Variants in ELOVL4 observed in about 807,000 individuals in gnomAD.
The protein encoded by ELOVL4 is ELOVL fatty acid elongase 4, also known as very long chain fatty acid elongase 4.
A neutral mutation model predicts 42.1 loss-of-function variants in ELOVL4; 18 were observed. That is an observed-to-expected ratio of 0.43 (90% CI 0.30 to 0.63). ELOVL4 has a LOEUF of 0.63. Among genes scored for constraint, ELOVL4 ranks in the 30% least tolerant of loss-of-function variants. ELOVL4 has a pLI of 0.15. For missense variants in ELOVL4, 299 were observed against 376.2 expected, an observed-to-expected ratio of 0.79 and a Z score of 1.70; for synonymous variants, 117 against 127.0, an observed-to-expected ratio of 0.92 and a Z score of 0.53.
At position 79,947,545 on chromosome 6, in the gene ELOVL4, C is replaced by T. The variant is rs979771607; in HGVS notation, c.-266G>A. The T allele has an allele frequency of 6.2e-6, 3 of 480,320 alleles. No individual in the cohort carries two copies. Among genetic ancestry groups the T allele is most frequent in the Middle Eastern group, 5.9e-4 (1 of 1,698 alleles). 29.8% of individuals were successfully genotyped at this position (480,320 alleles called of 1,614,324 possible). On this transcript the variant is annotated 5_prime_UTR_variant, in exon 1 of 6. It adds an upstream start codon to the 5' untranslated region. Transcript: ENST00000369816. Reference sequence around the variant, plus strand: ...CCAGCCGCCAGCACAGTGCGCTGCACCAGTCTGCAGCCTCGCGCAGCCGCC... The same window carrying T: ...CCAGCCGCCAGCACAGTGCGCTGCATCAGTCTGCAGCCTCGCGCAGCCGCC...
At chr6:79,920,925 T>G (rs1263648691) in intron 4 of ELOVL4, among the ~76,000 whole-genome samples, 1 of 152,096 alleles carries the variant, frequency 6.6e-6, no homozygotes, top group East Asian at 1.9e-4. Context: ...ATTTCAGATG[T>G]TTAGATTAGG....
chr6:79,920,430 C>T (rs1774233975), intron 4 of ELOVL4, among the ~76,000 whole-genome samples: 1 of 152,164 alleles, frequency 6.6e-6, no homozygotes, highest in Non-Finnish European at 1.5e-5. Flanking sequence ...TATAAAATTT[C>T]CTTTGAATAA....
At position 79,947,364 on chromosome 6, in the gene ELOVL4, G is replaced by T; in HGVS notation, c.-85C>A. On this transcript the variant is annotated 5_prime_UTR_variant, in exon 1 of 6. Coordinates refer to ENST00000369816, the MANE Select transcript of ELOVL4 (RefSeq NM_022726.4). ...CCCGGAGGCGGTGGCGGCCGACGGG[G>T]CGAGCGGCGGCCGGGAACCCCTCTA... The T allele has an allele frequency of 9.3e-7, 1 of 1,076,536 alleles. No individual in the cohort carries two copies. The highest frequency in any genetic ancestry group is 1.6e-5 in the African/African-American group (1 of 64,308). 66.7% of individuals were successfully genotyped at this position (1,076,536 alleles called of 1,614,324 possible). A position where few individuals can be genotyped will look rare whatever the true frequency, so the allele number is the denominator to read the frequency against.
At chr6:79,933,192 T>C (rs1031345878) in intron 1 of ELOVL4, among the ~76,000 whole-genome samples, 2 of 152,086 alleles carry the variant, frequency 1.3e-5, no homozygotes, top group African/African-American at 4.8e-5. Flanking sequence ...GAATTTATCA[T>C]GTAGATAATG....
chr6:79,927,350 A>G (rs562211834), intron 1 of ELOVL4, among the ~76,000 whole-genome samples: 2 of 152,268 alleles, frequency 1.3e-5, no homozygotes, highest in Admixed American at 6.5e-5. Flanking sequence ...AAAACATTTT[A>G]TGTCGTATTT....
chr6:79,918,678 C>A (rs1268264137), intron 5 of ELOVL4, among the ~76,000 whole-genome samples: 2 of 152,184 alleles, frequency 1.3e-5, no homozygotes, highest in African/African-American at 4.8e-5. Flanking sequence ...ATAATAAATT[C>A]TAAAGCTTGA....
At chr6:79,933,738 T>C (rs1774495031) in intron 1 of ELOVL4, among the ~76,000 whole-genome samples, 1 of 152,176 alleles carries the variant, frequency 6.6e-6, no homozygotes, top group African/African-American at 2.4e-5. Flanking sequence ...GACTGGACAC[T>C]ATGATCTGAG....
At chr6:79,932,949 G>A (rs564780493) in intron 1 of ELOVL4, among the ~76,000 whole-genome samples, 3 of 152,014 alleles carry the variant, frequency 2.0e-5, no homozygotes, top group South Asian at 2.1e-4. Flanking sequence ...CTTTTTTCAC[G>A]GGGCAGAATT....
chr6:79,927,456 C>T (rs1345300283), intron 1 of ELOVL4, among the ~76,000 whole-genome samples: 2 of 151,890 alleles, frequency 1.3e-5, no homozygotes, highest in African/African-American at 4.8e-5. Flanking sequence ...ATAATAACTC[C>T]CTATTTAAAC....
intron 1 of ELOVL4, among the ~76,000 whole-genome samples, chr6:79,939,235 T>C (rs1261512549): frequency 6.6e-6 from 1 of 152,162 alleles, no homozygotes; most frequent in Non-Finnish European, 1.5e-5. Context: ...AAGAGATCAT[T>C]TCTACAGGTG....
In ELOVL4 at chr6:79,947,506, G is replaced by T. The variant is rs370635051; in HGVS notation, c.-227C>A. On this transcript the variant is annotated 5_prime_UTR_variant, in exon 1 of 6. Coordinates refer to ENST00000369816, the MANE Select transcript of ELOVL4 (RefSeq NM_022726.4). ...TCAAGGTTCCCGGGAGAAAGACGAGGAGGTGGAGGAGGCCCAGCCGCCAGC... is the reference window on the plus strand; with the variant it reads ...TCAAGGTTCCCGGGAGAAAGACGAGTAGGTGGAGGAGGCCCAGCCGCCAGC... 6 of 569,300 alleles carry T rather than the reference G, an allele frequency of 1.1e-5. No homozygotes were observed. The highest frequency in any genetic ancestry group is 7.6e-5 in the African/African-American group (4 of 52,874). The allele number at this position is 569,300 out of a possible 1,614,324, so 35.3% of individuals were successfully genotyped here. A position where few individuals can be genotyped will look rare whatever the true frequency, so the allele number is the denominator to read the frequency against.
At chr6:79,933,368 C>G (rs138781697) in intron 1 of ELOVL4, among the ~76,000 whole-genome samples, 2 of 152,202 alleles carry the variant, frequency 1.3e-5, no homozygotes, top group East Asian at 3.9e-4. Flanking sequence ...GTAGCTTGGA[C>G]TACAGGTGCA....
chr6:79,935,265 CTTTTAAAGCT>C, intron 1 of ELOVL4, among the ~76,000 whole-genome samples: 1 of 151,920 alleles, frequency 6.6e-6, no homozygotes, highest in East Asian at 1.9e-4. Context: ...TTTCTGATTT[CTTTTAAAGCT>C]TTTTGCAAAT....
rs1192554344 is a variant in ELOVL4 at position 79,915,063 on chromosome 6, A to AC, written c.*1544_*1545insG. The AC allele has an allele frequency of 1.8e-4, 27 of 152,756 alleles. No homozygotes were observed. In the East Asian group the frequency reaches 4.6e-3, roughly 26 times the overall value. 9.5% of individuals were successfully genotyped at this position (152,756 alleles called of 1,614,324 possible). On this transcript the variant is annotated 3_prime_UTR_variant, in exon 6 of 6. Transcript: ENST00000369816. Reference sequence around the variant, plus strand: ...TTTTAATGCACAATAAATATGTTATAGCTTACAAAATATTCTGAAATAGTT... The same window carrying AC: ...TTTTAATGCACAATAAATATGTTATACGCTTACAAAATATTCTGAAATAGTT...
intron 1 of ELOVL4, among the ~76,000 whole-genome samples, chr6:79,945,355 G>T (rs957788802): frequency 6.6e-6 from 1 of 152,138 alleles, no homozygotes; most frequent in African/African-American, 2.4e-5. Flanking sequence ...GCCCTTCGAA[G>T]CCTAGTAGCA....
rs1774772174 is a variant in ELOVL4, at chr6:79,947,471, G to A, written c.-192C>T. 2 of 611,934 alleles carry A rather than the reference G, an allele frequency of 3.3e-6. No homozygotes were observed. Among genetic ancestry groups the A allele is most frequent in the East Asian group, 2.8e-5 (1 of 35,250 alleles). 37.9% of individuals were successfully genotyped at this position (611,934 alleles called of 1,614,324 possible). ...ATGCGGCAGAAGGCAGGGCCAAGCG[G>A]AAGGCGTCGTCAAGGTTCCCGGGAG... On this transcript the variant is annotated 5_prime_UTR_variant, in exon 1 of 6. Coordinates refer to ENST00000369816, the MANE Select transcript of ELOVL4 (RefSeq NM_022726.4).
At chr6:79,936,745 T>C (rs1774550255) in intron 1 of ELOVL4, among the ~76,000 whole-genome samples, 1 of 152,188 alleles carries the variant, frequency 6.6e-6, no homozygotes, top group Admixed American at 6.5e-5. Context: ...CCTCAAGCCA[T>C]GTCTATCAGT....
rs1774317501 is a variant in ELOVL4 at position 79,924,846 on chromosome 6, T to A, written c.369+106A>T. ...CAAGAAACTGTCTCTAAATGAATGTTAAAGAAACTGTCTCTTAAAAAAAAG... is the reference window on the plus strand; with the variant it reads ...CAAGAAACTGTCTCTAAATGAATGTAAAAGAAACTGTCTCTTAAAAAAAAG... On this transcript the variant is annotated intron_variant, in intron 3 of 5. Transcript: ENST00000369816. 4 of 757,850 alleles carry A rather than the reference T, an allele frequency of 5.3e-6. No individual in the cohort carries two copies. The South Asian group carries it at 5.9e-5, about 11-fold the overall frequency. The allele number at this position is 757,850 out of a possible 1,614,324, so 46.9% of individuals were successfully genotyped here.
intron 1 of ELOVL4, among the ~76,000 whole-genome samples, chr6:79,931,643 C>T (rs1475294225): frequency 6.6e-6 from 1 of 151,988 alleles, no homozygotes; most frequent in Non-Finnish European, 1.5e-5. Context: ...AGACTTGGGC[C>T]AGGATCATGA....
Sources: gnomAD v4.1 joint callset for allele counts (sites outside exome capture counted in the v4.1 genomes callset) on GRCh38, gnomAD v4.1.1 for gene constraint, MANE v1.5 for transcripts, NCBI Gene and HGNC (gene_info 2026-07-23, HGNC 2026-07-21) for gene names.